The following EXOSC7 variants were observed in gnomAD, a reference collection of about 807,000 sequenced individuals.
The protein encoded by EXOSC7 is exosome component 7, also known as exosome complex component RRP42.
In EXOSC7, 25 loss-of-function variants were observed where a neutral mutation model predicts 34.3. That is an observed-to-expected ratio of 0.73 (90% confidence interval 0.53 to 1.02). The LOEUF (loss-of-function observed/expected upper bound fraction) is 1.02, where lower values mean the gene tolerates loss of function less well. EXOSC7 is among the 50% of genes least tolerant of loss of function. The pLI is 0.00. For missense variants in EXOSC7, 370 were observed against 368.5 expected (o/e 1.00, Z -0.03); for synonymous variants, 130 against 143.0 (o/e 0.91, Z 0.65).
chr3:44,991,949 C>G (rs1706586259), intron 3 of EXOSC7, among the ~76,000 whole-genome samples: 1 of 152,134 alleles, frequency 6.6e-6, no homozygotes, highest in African/African-American at 2.4e-5. Flanking sequence ...GTAGAATCAC[C>G]ATGAGAGAGT....
chr3:44,989,514 A>G, intron 2 of EXOSC7, 36 bp from the exon 3 acceptor site: 2 of 1,528,518 alleles, frequency 1.3e-6, no homozygotes, highest in South Asian at 2.2e-5. Flanking sequence ...CTGGCTGCAT[A>G]CTCTGAGTGA....
chr3:44,980,995 T>C (rs1348800084), intron 1 of EXOSC7, among the ~76,000 whole-genome samples: 1 of 152,192 alleles, frequency 6.6e-6, no homozygotes, highest in African/African-American at 2.4e-5. Flanking sequence ...GTTTTCCTCA[T>C]CCATGAGAAG....
At chr3:44,989,789 T>C (rs1420864225) in intron 3 of EXOSC7, 145 bp downstream of exon 3, 1 of 641,870 alleles carries the variant, frequency 1.6e-6, no homozygotes, top group Non-Finnish European at 2.8e-6. Context: ...TCCTCCTATG[T>C]GCCAGGTACA....
intron 1 of EXOSC7, among the ~76,000 whole-genome samples, chr3:44,984,481 A>G (rs935067549): frequency 4.6e-5 from 7 of 151,366 alleles, no homozygotes; most frequent in African/African-American, 7.3e-5. Flanking sequence ...AAAAAAAAAA[A>G]GGAAGAAGCA....
intron 7 of EXOSC7, among the ~76,000 whole-genome samples, chr3:45,009,892 G>T (rs1226231181): frequency 6.6e-6 from 1 of 152,134 alleles, no homozygotes; most frequent in Admixed American, 6.5e-5. Flanking sequence ...ATTTCATAGA[G>T]GTGATCACTT....
intron 7 of EXOSC7, 128 bp downstream of exon 7, chr3:45,007,703 C>T (rs1272556936): frequency 1.9e-6 from 2 of 1,063,474 alleles, no homozygotes; most frequent in South Asian, 3.4e-5. Context: ...GATTTGGGAA[C>T]AGCTGGTTTG....
intron 4 of EXOSC7, among the ~76,000 whole-genome samples, chr3:44,997,962 A>G (rs548318264): frequency 4.0e-5 from 6 of 151,718 alleles, no homozygotes; most frequent in Non-Finnish European, 7.4e-5. Flanking sequence ...TTGCCTCCCA[A>G]ATACTCCTCT....
chr3:44,987,477 C>T (rs927400226), intron 1 of EXOSC7, among the ~76,000 whole-genome samples: 8 of 152,268 alleles, frequency 5.3e-5, no homozygotes, highest in Middle Eastern at 3.4e-3. Flanking sequence ...GAGGCTGAGG[C>T]GGGAGAAGCG....
chr3:44,977,986 C>A (rs910688227), intron 1 of EXOSC7, among the ~76,000 whole-genome samples: 1 of 152,164 alleles, frequency 6.6e-6, no homozygotes, highest in African/African-American at 2.4e-5. Context: ...TTTTATTTAC[C>A]AACATATATC....
intron 7 of EXOSC7, among the ~76,000 whole-genome samples, chr3:45,010,337 T>A (rs1011831534): frequency 6.6e-6 from 1 of 152,130 alleles, no homozygotes; most frequent in African/African-American, 2.4e-5. Context: ...AGCCGTGAAC[T>A]CCTGGGCTCA....
chr3:44,977,788 G>A (rs1706141092), intron 1 of EXOSC7, among the ~76,000 whole-genome samples: 1 of 152,126 alleles, frequency 6.6e-6, no homozygotes. Context: ...CTTTGTTACC[G>A]GAGCTTACCA....
chr3:45,007,760 A>G (rs1559752751), intron 7 of EXOSC7, among the ~76,000 whole-genome samples, 185 bp downstream of exon 7: 1 of 152,014 alleles, frequency 6.6e-6, no homozygotes, highest in Non-Finnish European at 1.5e-5. Context: ...GGGGGTGGAT[A>G]CTCTGGACTG....
At chr3:44,998,039 G>T (rs771353181) in intron 4 of EXOSC7, among the ~76,000 whole-genome samples, 12,570 of 133,992 alleles carry the variant, frequency 0.094, 691 homozygotes, top group Middle Eastern at 0.14. Context: ...TTGTTTTTTT[G>T]TTTTTTTTTT....
At chr3:44,998,038 T>G (rs1706772350) in intron 4 of EXOSC7, among the ~76,000 whole-genome samples, 1 of 150,864 alleles carries the variant, frequency 6.6e-6, no homozygotes, top group Non-Finnish European at 1.5e-5. Context: ...TTTGTTTTTT[T>G]GTTTTTTTTT....
At chr3:44,998,127 C>T (rs1706777942) in intron 4 of EXOSC7, among the ~76,000 whole-genome samples, 1 of 151,198 alleles carries the variant, frequency 6.6e-6, no homozygotes, top group Non-Finnish European at 1.5e-5. Context: ...CCTCTGCTTC[C>T]CAGGTTCAAT....
intron 5 of EXOSC7, chr3:45,001,859 A>G: frequency 2.4e-6 from 1 of 420,436 alleles, no homozygotes; most frequent in Non-Finnish European, 4.2e-6. Context: ...CCATTTAGAA[A>G]AATATTAGAA....
At chr3:44,980,505 T>C (rs762824113) in intron 1 of EXOSC7, among the ~76,000 whole-genome samples, 1 of 151,172 alleles carries the variant, frequency 6.6e-6, no homozygotes, top group Non-Finnish European at 1.5e-5. Context: ...GACACAGTAA[T>C]TGAGTGGTGG....
At chr3:45,010,445 C>T (rs931253780) in intron 7 of EXOSC7, among the ~76,000 whole-genome samples, 1 of 152,170 alleles carries the variant, frequency 6.6e-6, no homozygotes, top group Non-Finnish European at 1.5e-5. Flanking sequence ...TGGGGTTTCA[C>T]TCTGTTGCCC....
chr3:44,990,723 C>G (rs1163867863), intron 3 of EXOSC7, among the ~76,000 whole-genome samples: 2 of 152,198 alleles, frequency 1.3e-5, no homozygotes, highest in African/African-American at 4.8e-5. Context: ...CACATAGACA[C>G]TCGATGCTTA....
Sources: gnomAD v4.1 joint callset for allele counts (sites outside exome capture counted in the v4.1 genomes callset) on GRCh38, gnomAD v4.1.1 for gene constraint, MANE v1.5 for transcripts, NCBI Gene and HGNC (gene_info 2026-07-23, HGNC 2026-07-21) for gene names.